The following SOD2 variants were observed in gnomAD, a reference collection of about 807,000 sequenced individuals.
SOD2 encodes the protein superoxide dismutase [Mn], mitochondrial.
Under a neutral mutation model 27.0 loss-of-function variants are expected in SOD2, and 11 were observed. That is an observed-to-expected ratio of 0.41 (90% CI 0.26 to 0.67). The LOEUF (loss-of-function observed/expected upper bound fraction) is 0.67. Among genes scored for constraint, SOD2 ranks in the 30% least tolerant of loss-of-function variants. The probability of loss-of-function intolerance (pLI) is 0.34; values close to 1 mark genes in which losing one functional copy is unlikely to be tolerated. For synonymous variants in SOD2, 105 were observed against 103.0 expected (o/e 1.02, Z -0.12); for missense variants, 250 against 274.5 (o/e 0.91, Z 0.63).
chr6:159,691,449 T>C (rs1777183299), intron 2 of SOD2: 1 of 152,204 alleles, frequency 6.6e-6, no homozygotes, highest in Non-Finnish European at 1.5e-5. Flanking sequence ...CAACAAGATG[T>C]GACTGTCTAA....
intron 3 of SOD2, 92 bp downstream of exon 3, chr6:159,688,034 A>T: frequency 1.3e-6 from 1 of 795,276 alleles, no homozygotes; most frequent in Non-Finnish European, 2.1e-6. Flanking sequence ...AACAAAAAAA[A>T]CAAAAAACAA....
At chr6:159,702,654 C>CAAAAAAA (rs750073120) in intron 1 of SOD2, among the ~76,000 whole-genome samples, 8 of 39,802 alleles carry the variant, frequency 2.0e-4, no homozygotes, top group Admixed American at 3.4e-4. Flanking sequence ...TCTATCTCTC[C>CAAAAAAA]AAAAAAAAAA....
chr6:159,721,815 A>T (rs1778048039), intron 1 of SOD2, among the ~76,000 whole-genome samples: 2 of 150,984 alleles, frequency 1.3e-5, no homozygotes, highest in Non-Finnish European at 2.9e-5. Context: ...GTAAGCCACC[A>T]CACCCAGCCT....
In SOD2 at chr6:159,682,039, G is replaced by T. The variant is rs925281428; in HGVS notation, c.*454C>A. On this transcript the variant is annotated 3_prime_UTR_variant, in exon 5 of 5. Transcript: ENST00000538183. ...GGTGACATCTACCAGAAGTATCACT[G>T]CAGAGGATTACTCGACAAAAAGTGC... The T allele has an allele frequency of 1.3e-4, 20 of 153,894 alleles. No individual in the cohort carries two copies. The highest frequency in any genetic ancestry group is 4.6e-4 in the African/African-American group (19 of 41,450). 9.5% of individuals were successfully genotyped at this position (153,894 alleles called of 1,614,324 possible).
chr6:159,692,824 G>A lies in SOD2; in HGVS notation c.63C>T (p.Gly21=), dbSNP rs778195973. 2 of 1,613,418 alleles carry A rather than the reference G, an allele frequency of 1.2e-6. No homozygotes were observed. Among genetic ancestry groups the A allele is most frequent in the African/African-American group, 1.3e-5 (1 of 74,928 alleles). The part of the protein sequence containing the change: ...RQLAPVLGYL[G]SRQKHSLPDL... The stretch of plus-strand genomic sequence containing the variant: ...CGGGGAGGCTGTGCTTCTGCCTGGA[G>A]CCCAGATACCCCAAAACCGGAGCCA... Residue 21 remains glycine, a synonymous_variant, in exon 2 of 5, where the codon GGC becomes GGT. Transcript: ENST00000538183.
chr6:159,713,841 C>T, intron 1 of SOD2: 1 of 1,108,176 alleles, frequency 9.0e-7, no homozygotes, highest in Non-Finnish European at 1.4e-6. Context: ...CTTGGTCTGC[C>T]TTCTCCGGTG....
intron 3 of SOD2, among the ~76,000 whole-genome samples, chr6:159,685,690 C>A (rs1481313331): frequency 6.6e-6 from 1 of 152,026 alleles, no homozygotes; most frequent in African/African-American, 2.4e-5. Flanking sequence ...TTCTTTCTCC[C>A]TCCCTGCTCT....
At chr6:159,730,497 G>A (rs773646684), upstream of SOD2, among the ~76,000 whole-genome samples, 44 of 152,294 alleles carry the variant, frequency 2.9e-4, 1 homozygote, top group Middle Eastern at 6.8e-3. Flanking sequence ...TTCGTGTGGT[G>A]TGAAAGTCAA....
intron 1 of SOD2, among the ~76,000 whole-genome samples, chr6:159,709,064 T>A (rs1036135079): frequency 6.6e-6 from 1 of 152,232 alleles, no homozygotes; most frequent in African/African-American, 2.4e-5. Flanking sequence ...GCTAGCCATA[T>A]GTAGAAAGCT....
chr6:159,693,255 C>A, upstream of SOD2: 4 of 1,297,424 alleles, frequency 3.1e-6, no homozygotes, highest in African/African-American at 1.5e-5. Context: ...GCTCCTGCGC[C>A]GCCCGCGGGC....
At chr6:159,697,776 G>A (rs1299976419), upstream of SOD2, among the ~76,000 whole-genome samples, 2 of 152,230 alleles carry the variant, frequency 1.3e-5, no homozygotes, top group Non-Finnish European at 2.9e-5. Context: ...TAGGTAGTAA[G>A]GGGGATATGA....
chr6:159,692,956 C>G (rs996944498), intron 1 of SOD2, 93 bp from the exon 2 acceptor site: 30 of 1,359,944 alleles, frequency 2.2e-5, no homozygotes, highest in South Asian at 1.8e-4. Context: ...CGGCGTCCCC[C>G]GAGTCCCCGC....
intron 2 of SOD2, 27 bp downstream of exon 2, chr6:159,692,634 C>T: frequency 6.2e-7 from 1 of 1,610,590 alleles, no homozygotes; most frequent in Non-Finnish European, 8.5e-7. Context: ...CCGGGGACTG[C>T]CTCCCGCCGC....
upstream of SOD2, among the ~76,000 whole-genome samples, chr6:159,747,785 GT>G (rs1779660859): frequency 6.6e-6 from 1 of 152,052 alleles, no homozygotes; most frequent in South Asian, 2.1e-4. Flanking sequence ...ATTTTCGTTT[GT>G]TTTTTGGTAA....
chr6:159,756,468 T>C (rs1235572888), intron 1 of SOD2: 1 of 152,238 alleles, frequency 6.6e-6, no homozygotes, highest in Non-Finnish European at 1.5e-5. Flanking sequence ...TTTTAATTTA[T>C]GCCTTATTTT....
chr6:159,743,903 A>ATAGG, intron 1 of SOD2: 1 of 1,173,306 alleles, frequency 8.5e-7, no homozygotes, highest in Non-Finnish European at 1.1e-6. Context: ...CTTATCTTTT[A>ATAGG]TAGGTACGTA....
At chr6:159,732,131 G>T (rs1464611921), upstream of SOD2, among the ~76,000 whole-genome samples, 2 of 152,066 alleles carry the variant, frequency 1.3e-5, no homozygotes, top group East Asian at 1.9e-4. Context: ...CTGTATTTTT[G>T]ATCCGAGTAC....
intron 1 of SOD2, among the ~76,000 whole-genome samples, chr6:159,703,100 A>C (rs1777556741): frequency 6.6e-6 from 1 of 152,074 alleles, no homozygotes; most frequent in Admixed American, 6.6e-5. Context: ...AGATCACCTG[A>C]GGTTGGGAGT....
chr6:159,713,982 G>T (rs1777878710), intron 1 of SOD2: 3 of 810,138 alleles, frequency 3.7e-6, no homozygotes, highest in Non-Finnish European at 5.9e-6. Flanking sequence ...TCCGTGCTCA[G>T]CATCGTGGCG....
Sources: gnomAD v4.1 joint callset for allele counts (sites outside exome capture counted in the v4.1 genomes callset) on GRCh38, gnomAD v4.1.1 for gene constraint, MANE v1.5 for transcripts, NCBI Gene and HGNC (gene_info 2026-07-23, HGNC 2026-07-21) for gene names.